TMCC1: variants seen among roughly 807,000 people sequenced by gnomAD.
TMCC1 encodes transmembrane and coiled-coil domains protein 1.
A neutral mutation model predicts 52.4 loss-of-function variants in TMCC1; 15 were observed. The observed-to-expected ratio is 0.29, with a 90% CI of 0.19 to 0.44. TMCC1 has a LOEUF of 0.44. Ranked by LOEUF, TMCC1 falls within the 20% of genes least tolerant of loss-of-function variation. The probability of loss-of-function intolerance (pLI) is 1.00; values close to 1 mark genes in which losing one functional copy is unlikely to be tolerated. For missense variants in TMCC1, 503 were observed against 806.0 expected (o/e 0.62, Z 4.55); for synonymous variants, 279 against 301.9 (o/e 0.92, Z 0.79).
chr3:129,791,619 G>C (rs531736015), intron 4 of TMCC1, among the ~76,000 whole-genome samples: 10 of 152,258 alleles, frequency 6.6e-5, no homozygotes, highest in African/African-American at 2.4e-4. Flanking sequence ...GCTCACGCAG[G>C]AGACATGGGG....
intron 4 of TMCC1, among the ~76,000 whole-genome samples, chr3:129,735,425 C>T (rs1046473419): frequency 2.6e-5 from 4 of 151,898 alleles, no homozygotes; most frequent in Non-Finnish European, 5.9e-5. Flanking sequence ...AGGAGGATTG[C>T]TTGAGGCAAG....
At chr3:129,848,410 C>A (rs1452141860) in intron 2 of TMCC1, 1 of 152,162 alleles carries the variant, frequency 6.6e-6, no homozygotes, top group Admixed American at 6.6e-5. Context: ...GTTCTAGGAC[C>A]ATCTGTTGAA....
chr3:129,663,837 A>G (rs2087236561), intron 5 of TMCC1, among the ~76,000 whole-genome samples: 1 of 152,144 alleles, frequency 6.6e-6, no homozygotes, highest in Non-Finnish European at 1.5e-5. Flanking sequence ...TTGAGCTCCT[A>G]CTCTAAACCA....
At chr3:129,852,954 T>C (rs1404967473) in intron 2 of TMCC1, among the ~76,000 whole-genome samples, 1 of 152,100 alleles carries the variant, frequency 6.6e-6, no homozygotes, top group Non-Finnish European at 1.5e-5. Flanking sequence ...GTAGGAGGAG[T>C]ATATTATTAA....
At chr3:129,755,634 G>A (rs1236991165) in intron 4 of TMCC1, among the ~76,000 whole-genome samples, 1 of 152,068 alleles carries the variant, frequency 6.6e-6, no homozygotes, top group Non-Finnish European at 1.5e-5. Flanking sequence ...GAACAAACAC[G>A]TGAAAAGATA....
rs532210927 is a variant in TMCC1, at chr3:129,775,965, C to T, written c.576+51838G>A. 5.9e-5 allele frequency among the ~76,000 whole-genome samples: 9 copies of T among 152,194 alleles called. No homozygotes were observed. In the South Asian group the frequency reaches 1.2e-3, roughly 21 times the overall value. The stretch of plus-strand genomic sequence containing the variant: ...CAAAGAAATCCCTGGATGACACATA[C>T]CCTTCATCTTTATCAATTACTCTCA... On this transcript the variant is annotated intron_variant, in intron 4 of 6. Transcript: ENST00000393238.
At chr3:129,801,355 C>T (rs1359362386) in intron 4 of TMCC1, among the ~76,000 whole-genome samples, 1 of 152,102 alleles carries the variant, frequency 6.6e-6, no homozygotes. Flanking sequence ...TTAACTGCCA[C>T]ACAGTACTCT....
chr3:129,690,638 G>A (rs2403524), intron 4 of TMCC1, among the ~76,000 whole-genome samples: 149,670 of 152,200 alleles, frequency 0.98, 73,651 homozygotes, highest in Non-Finnish European at 1. Flanking sequence ...TTGCTAATGT[G>A]AAGCTCTTTT....
At chr3:129,759,585 G>GT (rs368094253) in intron 4 of TMCC1, among the ~76,000 whole-genome samples, 75,246 of 136,188 alleles carry the variant, frequency 0.55, 24,081 homozygotes, top group Non-Finnish European at 0.74. Flanking sequence ...ATTTTTGAGA[G>GT]TTTTTTTTTT....
chr3:129,820,165 T>G (rs1418522092), intron 4 of TMCC1, among the ~76,000 whole-genome samples: 1 of 150,154 alleles, frequency 6.7e-6, no homozygotes, highest in African/African-American at 2.5e-5. Flanking sequence ...AAAGCATGAC[T>G]TCTAGAGCTA....
intron 4 of TMCC1, among the ~76,000 whole-genome samples, chr3:129,804,739 T>C (rs996478700): frequency 8.5e-5 from 13 of 152,156 alleles, no homozygotes; most frequent in African/African-American, 2.9e-4. Flanking sequence ...GCCTTCAGCC[T>C]CAGTAGCATA....
At chr3:129,719,701 A>C (rs1176554409) in intron 4 of TMCC1, among the ~76,000 whole-genome samples, 1 of 152,210 alleles carries the variant, frequency 6.6e-6, no homozygotes, top group African/African-American at 2.4e-5. Flanking sequence ...ACCTGGCATC[A>C]GAATTGTGTT....
intron 4 of TMCC1, among the ~76,000 whole-genome samples, chr3:129,797,197 G>A (rs1340510763): frequency 6.6e-6 from 1 of 152,036 alleles, no homozygotes; most frequent in Non-Finnish European, 1.5e-5. Context: ...GTGCTGGCAG[G>A]CACCTGTAGT....
At chr3:129,667,581 G>A (rs1006080132) in intron 5 of TMCC1, among the ~76,000 whole-genome samples, 2 of 151,948 alleles carry the variant, frequency 1.3e-5, no homozygotes, top group African/African-American at 2.4e-5. Flanking sequence ...AGTTTTCTTC[G>A]TTCTGTCTTC....
chr3:129,695,299 A>C (rs1322044347), intron 4 of TMCC1, among the ~76,000 whole-genome samples: 1 of 151,880 alleles, frequency 6.6e-6, no homozygotes, highest in East Asian at 1.9e-4. Flanking sequence ...AAAGATGTGA[A>C]TCTTTGTCTT....
In TMCC1 at chr3:129,670,458, T is replaced by C. The variant is rs1037198228; in HGVS notation, c.1383A>G (p.Ala461=). ...TLDMQSSGFD[A]LLHEIQEIRE... ...GGATCTCCTGGATCTCATGTAGTAG[T>C]GCATCAAATCCTGAGCTCTGCATGT... The change falls in exon 5 of 7, where the codon GCA becomes GCG. Residue 461 remains alanine (A), a synonymous_variant. Coordinates refer to ENST00000393238, the MANE Select transcript of TMCC1 (RefSeq NM_001017395.5). 5 of 1,614,090 alleles carry C rather than the reference T, an allele frequency of 3.1e-6. No individual in the cohort carries two copies. The African/African-American group carries it at 4.0e-5, about 13-fold the overall frequency.
chr3:129,734,635 A>AT (rs565021342), intron 4 of TMCC1, among the ~76,000 whole-genome samples: 97 of 152,282 alleles, frequency 6.4e-4, no homozygotes, highest in African/African-American at 2.3e-3. Flanking sequence ...GTGAGCTGTG[A>AT]TTGCATCACT....
intron 4 of TMCC1, among the ~76,000 whole-genome samples, chr3:129,741,721 T>A (rs2051474199): frequency 6.6e-6 from 1 of 152,176 alleles, no homozygotes; most frequent in South Asian, 2.1e-4. Context: ...TAAACTTGTC[T>A]CCATTTCTCC....
At chr3:129,816,332 G>GT (rs1177007249) in intron 4 of TMCC1, among the ~76,000 whole-genome samples, 1 of 152,166 alleles carries the variant, frequency 6.6e-6, no homozygotes, top group African/African-American at 2.4e-5. Context: ...TGGGATCAAT[G>GT]TAACTGCCCA....
Sources: allele counts gnomAD v4.1 joint callset (sites outside exome capture counted in the v4.1 genomes callset), GRCh38; gene constraint gnomAD v4.1.1; transcripts MANE v1.5; gene names NCBI Gene and HGNC (gene_info 2026-07-23, HGNC 2026-07-21).